MSRA: variants seen among roughly 807,000 people sequenced by gnomAD.
The protein encoded by MSRA is methionine sulfoxide reductase A.
MSRA carries 54 observed loss-of-function variants against 31.3 expected under a neutral mutation model. The observed-to-expected ratio is 1.73, with a 90% CI of 1.39 to 2.17. The LOEUF is 2.17. Ranked by LOEUF, MSRA falls within the 30% of genes most tolerant of loss-of-function variation. The pLI is 0.00. For synonymous variants in MSRA, 169 were observed against 116.5 expected (o/e 1.45, Z -2.90); for missense variants, 507 against 300.9 (o/e 1.69, Z -5.07).
rs908724588 is a variant in MSRA, at chr8:10,117,352, C to G, written c.142+62694C>G. Among the ~76,000 whole-genome samples, 48 of 152,136 alleles carry G rather than the reference C, an allele frequency of 3.2e-4. 1 individual carries two copies. The highest frequency in any genetic ancestry group is 3.1e-3 in the Admixed American group (47 of 15,272). Reference sequence around the variant, plus strand: ...TCCTAGAAGGGGCAACAAACACAGCCTCAAAAATCCACAGCTCTTCCCTAG... The same window carrying G: ...TCCTAGAAGGGGCAACAAACACAGCGTCAAAAATCCACAGCTCTTCCCTAG... On this transcript the variant is annotated intron_variant, in intron 1 of 5. Coordinates refer to ENST00000317173, the MANE Select transcript of MSRA (RefSeq NM_012331.5).
At chr8:10,218,599 G>A (rs1035774784) in intron 2 of MSRA, among the ~76,000 whole-genome samples, 4 of 152,164 alleles carry the variant, frequency 2.6e-5, no homozygotes, top group Non-Finnish European at 5.9e-5. Context: ...TTTATCAACT[G>A]TATGGTTACT....
In MSRA at chr8:10,170,766, C is replaced by T. The variant is rs146807315; in HGVS notation, c.143-37067C>T. The stretch of plus-strand genomic sequence containing the variant: ...ATGGGGTTTTGGAACCAACCCCTTG[C>T]AGGAACTGAGGGACAACTATACTGT... On this transcript the variant is annotated intron_variant, in intron 1 of 5. Transcript: ENST00000317173. Among the ~76,000 whole-genome samples the T allele has an allele frequency of 3.7e-3, 566 of 152,304 alleles. 3 individuals carry two copies. The highest frequency in any genetic ancestry group is 6.0e-3 in the Non-Finnish European group (410 of 68,034).
intron 1 of MSRA, among the ~76,000 whole-genome samples, chr8:10,150,723 C>G (rs577911835): frequency 1.3e-5 from 2 of 152,130 alleles, no homozygotes; most frequent in African/African-American, 4.8e-5. Flanking sequence ...TGTTCTGTCC[C>G]GTGTTCTGAA....
intron 2 of MSRA, among the ~76,000 whole-genome samples, chr8:10,217,340 C>A (rs1810082738): frequency 6.6e-6 from 1 of 152,168 alleles, no homozygotes; most frequent in African/African-American, 2.4e-5. Context: ...GGCTCGTGAC[C>A]CTCTCCCCAC....
chr8:10,228,620 T>G (rs1018509369), intron 2 of MSRA, among the ~76,000 whole-genome samples: 1 of 152,174 alleles, frequency 6.6e-6, no homozygotes, highest in African/African-American at 2.4e-5. Flanking sequence ...CTTCTGACGT[T>G]GTTTCCAGGG....
chr8:10,197,698 C>T, intron 1 of MSRA, among the ~76,000 whole-genome samples: 1 of 152,180 alleles, frequency 6.6e-6, no homozygotes, highest in East Asian at 1.9e-4. Flanking sequence ...GCCCTGCCTA[C>T]ACATGCCCAC....
At chr8:10,337,423 C>T (rs1585513865) in intron 5 of MSRA, 1 of 326,810 alleles carries the variant, frequency 3.1e-6, no homozygotes, top group Non-Finnish European at 5.6e-6. Flanking sequence ...TCGTGATCCA[C>T]CAGCCTCGGC....
At chr8:10,370,925 C>T (rs1805438555) in intron 5 of MSRA, among the ~76,000 whole-genome samples, 1 of 152,168 alleles carries the variant, frequency 6.6e-6, no homozygotes, top group South Asian at 2.1e-4. Context: ...CTGGGACGTG[C>T]TGTCACACAC....
chr8:10,278,464 G>A (rs1259342732), intron 3 of MSRA, among the ~76,000 whole-genome samples: 1 of 152,174 alleles, frequency 6.6e-6, no homozygotes, highest in Non-Finnish European at 1.5e-5. Flanking sequence ...CAATTCAGGG[G>A]GTCATACAGC....
chr8:10,252,026 A>G (rs995361216), intron 3 of MSRA, among the ~76,000 whole-genome samples: 16 of 152,214 alleles, frequency 1.1e-4, no homozygotes, highest in Non-Finnish European at 2.4e-4. Context: ...TGAACTCGGT[A>G]AGATTCAAGC....
chr8:10,404,891 G>C (rs113654227), intron 5 of MSRA, among the ~76,000 whole-genome samples: 140 of 152,266 alleles, frequency 9.2e-4, no homozygotes, highest in African/African-American at 3.0e-3. Context: ...AGTGTGTGTG[G>C]TAAGCGGCAC....
At chr8:10,427,810 G>A (rs1480996763) in intron 5 of MSRA, among the ~76,000 whole-genome samples, 1 of 152,272 alleles carries the variant, frequency 6.6e-6, no homozygotes, top group Non-Finnish European at 1.5e-5. Flanking sequence ...GTTTCCCCTG[G>A]GAGAGCTTTG....
intron 1 of MSRA, among the ~76,000 whole-genome samples, chr8:10,172,722 C>T (rs759370603): frequency 6.6e-6 from 1 of 152,082 alleles, no homozygotes; most frequent in African/African-American, 2.4e-5. Flanking sequence ...AGTGGACTCA[C>T]CAGAGATGGG....
chr8:10,409,479 C>A (rs1316419207), intron 5 of MSRA, among the ~76,000 whole-genome samples: 1 of 152,180 alleles, frequency 6.6e-6, no homozygotes, highest in Non-Finnish European at 1.5e-5. Context: ...GGTTGAGAAC[C>A]ATGGCTCCAG....
chr8:10,387,011 A>G (rs1047149957), intron 5 of MSRA, among the ~76,000 whole-genome samples: 2 of 152,124 alleles, frequency 1.3e-5, no homozygotes, highest in South Asian at 2.1e-4. Flanking sequence ...GGGTCATGTT[A>G]AAGTACAGAT....
At chr8:10,417,823 G>A (rs1156294521) in intron 5 of MSRA, among the ~76,000 whole-genome samples, 1 of 126,544 alleles carries the variant, frequency 7.9e-6, no homozygotes, top group Non-Finnish European at 1.8e-5. Flanking sequence ...GCATAGCATG[G>A]AATTTGATGG....
intron 2 of MSRA, among the ~76,000 whole-genome samples, chr8:10,212,313 C>T (rs1809573767): frequency 6.6e-6 from 1 of 151,960 alleles, no homozygotes; most frequent in Non-Finnish European, 1.5e-5. Flanking sequence ...GAGGGATAAA[C>T]CTGGAGGGTT....
intron 1 of MSRA, among the ~76,000 whole-genome samples, chr8:10,193,690 G>A (rs1053409349): frequency 6.6e-6 from 1 of 152,158 alleles, no homozygotes; most frequent in Non-Finnish European, 1.5e-5. Context: ...GCCTGTCTGT[G>A]TCGTGTGTAG....
chr8:10,424,733 G>T (rs1166633638), intron 5 of MSRA, among the ~76,000 whole-genome samples: 4 of 152,194 alleles, frequency 2.6e-5, no homozygotes, highest in African/African-American at 9.6e-5. Context: ...CCAGGGAGAG[G>T]CCCCCTCCTG....
Sources: gnomAD v4.1 joint callset for allele counts (sites outside exome capture counted in the v4.1 genomes callset) on GRCh38, gnomAD v4.1.1 for gene constraint, MANE v1.5 for transcripts, NCBI Gene and HGNC (gene_info 2026-07-23, HGNC 2026-07-21) for gene names.